The following NUP210L variants were observed in gnomAD, a reference collection of about 807,000 sequenced individuals.
The protein encoded by NUP210L is nucleoporin 210 like, also known as nuclear pore membrane glycoprotein 210-like.
Under a neutral mutation model 208.5 loss-of-function variants are expected in NUP210L, and 74 were observed. The observed-to-expected ratio is 0.35, with a 90% CI of 0.29 to 0.43. The LOEUF (loss-of-function observed/expected upper bound fraction) is 0.43, where lower values mean the gene tolerates loss of function less well. NUP210L is among the 20% of genes least tolerant of loss of function. The probability of loss-of-function intolerance (pLI) is 1.00; values close to 1 mark genes in which losing one functional copy is unlikely to be tolerated. For missense variants in NUP210L, 1,843 were observed against 2,289.4 expected, an observed-to-expected ratio of 0.81 and a Z score of 3.98; for synonymous variants, 780 against 816.9, an observed-to-expected ratio of 0.95 and a Z score of 0.77.
At chr1:154,012,323 C>A (rs758685370) in exon 34 of NUP210L, 1 of 1,613,772 alleles carries the variant, frequency 6.2e-7, no homozygotes, top group Non-Finnish European at 8.5e-7. Context: ...TGAGATAAGT[C>A]TTGAGGTCAT....
At chr1:154,125,031 G>A (rs1657817555) in intron 10 of NUP210L, among the ~76,000 whole-genome samples, 1 of 152,148 alleles carries the variant, frequency 6.6e-6, no homozygotes, top group Non-Finnish European at 1.5e-5. Flanking sequence ...ATGGCTGGGT[G>A]TAGTGGCTCA....
chr1:154,084,038 CTT>C (rs34861266), intron 16 of NUP210L, among the ~76,000 whole-genome samples: 6 of 103,606 alleles, frequency 5.8e-5, no homozygotes, highest in Non-Finnish European at 7.6e-5. Context: ...CTTTTCCTTT[CTT>C]TTTTTTTTTT....
At chr1:154,088,316 G>C (rs1422059008) in intron 16 of NUP210L, among the ~76,000 whole-genome samples, 1 of 151,032 alleles carries the variant, frequency 6.6e-6, no homozygotes, top group Non-Finnish European at 1.5e-5. Flanking sequence ...TGACTGCAGT[G>C]AGACCCTGTC....
rs1164907859 is a variant in NUP210L, at chr1:154,112,858, G to GTA, written c.1620+4866_1620+4867insTA. ...GCAACAGAATGAGACCCTGTCTGGG[G>GTA]AAAAAAAAAAAAAAAAGGCCAGGTG... On this transcript the variant is annotated intron_variant, in intron 12 of 39. Transcript: ENST00000368559. Among the ~76,000 whole-genome samples the GTA allele has an allele frequency of 2.4e-5, 3 of 127,246 alleles. 1 individual carries two copies. Among genetic ancestry groups the GTA allele is most frequent in the Non-Finnish European group, 5.1e-5 (3 of 59,006 alleles). The allele number at this position is 127,246 out of a possible 152,430, so 83.5% of individuals were successfully genotyped here.
chr1:154,084,790 A>T (rs868754359), intron 16 of NUP210L, among the ~76,000 whole-genome samples: 34 of 77,518 alleles, frequency 4.4e-4, no homozygotes, highest in African/African-American at 1.1e-3. Context: ...ATATTTCTTT[A>T]AAAAAAAAAA....
intron 10 of NUP210L, among the ~76,000 whole-genome samples, chr1:154,119,656 T>C (rs1657510410): frequency 6.6e-6 from 1 of 152,200 alleles, no homozygotes; most frequent in East Asian, 1.9e-4. Flanking sequence ...GGGCTGAATG[T>C]AGGACTTGAG....
At chr1:154,055,123 T>TTTTC (rs533438783) in intron 23 of NUP210L, among the ~76,000 whole-genome samples, 5,723 of 117,000 alleles carry the variant, frequency 0.049, 196 homozygotes, top group East Asian at 0.055. Context: ...TCTTTCTTTC[T>TTTTC]TTTCTTTCTT....
At chr1:154,071,085 G>T (rs1399277733) in intron 16 of NUP210L, among the ~76,000 whole-genome samples, 15 of 148,054 alleles carry the variant, frequency 1.0e-4, no homozygotes, top group South Asian at 2.1e-4. Context: ...TTTTTGTTTT[G>T]TTTTGTTTTT....
At chr1:154,085,908 A>T (rs1655599582) in intron 16 of NUP210L, among the ~76,000 whole-genome samples, 1 of 152,156 alleles carries the variant, frequency 6.6e-6, no homozygotes, top group African/African-American at 2.4e-5. Flanking sequence ...GTGGATACCA[A>T]CATGTAAAAA....
At chr1:154,004,761 C>T (rs1650411747) in intron 35 of NUP210L, among the ~76,000 whole-genome samples, 1 of 152,094 alleles carries the variant, frequency 6.6e-6, no homozygotes, top group Admixed American at 6.6e-5. Context: ...ATTCCCCCAC[C>T]TTGGCCTCCT....
rs1387439211 is a variant in NUP210L at position 153,995,073 on chromosome 1, T to C, written c.5491+3A>G. On this transcript the variant is annotated splice_donor_region_variant and intron_variant, in intron 38 of 39. Coordinates refer to ENST00000368559, the Ensembl canonical transcript of NUP210L. ...TCTATGTTATTGAATATAAGGACTC[T>C]ACCTAGGAAGATGGAAGCTGTTGAT... The C allele has an allele frequency of 2.5e-6, 4 of 1,574,094 alleles. No homozygotes were observed. Among genetic ancestry groups the C allele is most frequent in the African/African-American group, 2.7e-5 (2 of 73,574 alleles).
chr1:154,046,484 C>T (rs2147971930), intron 25 of NUP210L, 115 bp from the exon 26 acceptor site: 1 of 858,972 alleles, frequency 1.2e-6, no homozygotes, highest in Non-Finnish European at 1.9e-6. Context: ...AAAAACCTTG[C>T]CCATGCTTAT....
intron 22 of NUP210L, among the ~76,000 whole-genome samples, 180 bp from the exon 23 acceptor site, chr1:154,057,127 T>C (rs961969388): frequency 1.3e-5 from 2 of 152,062 alleles, no homozygotes; most frequent in African/African-American, 4.8e-5. Flanking sequence ...TACAGGCACA[T>C]ACCATCACTC....
At position 154,139,698 on chromosome 1, in the gene NUP210L, A is replaced by C. The variant is rs559877349; in HGVS notation, c.717+104T>G. 10 of 882,916 alleles carry C rather than the reference A, an allele frequency of 1.1e-5. No individual in the cohort carries two copies. In the Admixed American group the frequency reaches 1.2e-4, roughly 11 times the overall value. The allele number at this position is 882,916 out of a possible 1,614,324, so 54.7% of individuals were successfully genotyped here. ...AACAAACAAACAAACAAAAAAAAAAAAAAAACAGGGCGGGTAGTGCATTCT... is the reference window on the plus strand; with the variant it reads ...AACAAACAAACAAACAAAAAAAAAACAAAAACAGGGCGGGTAGTGCATTCT... On this transcript the variant is annotated intron_variant, in intron 5 of 39. Transcript: ENST00000368559.
intron 12 of NUP210L, among the ~76,000 whole-genome samples, chr1:154,116,125 C>T (rs1657313899): frequency 6.6e-6 from 1 of 151,814 alleles, no homozygotes. Context: ...CATGGTGGCA[C>T]ATGCCTGTAG....
intron 23 of NUP210L, among the ~76,000 whole-genome samples, chr1:154,055,709 T>C (rs2147989079): frequency 6.6e-6 from 1 of 152,300 alleles, no homozygotes; most frequent in South Asian, 2.1e-4. Flanking sequence ...CATGATCTTA[T>C]TCTAAGGAAA....
chr1:154,017,436 C>T (rs1223410852), intron 33 of NUP210L, among the ~76,000 whole-genome samples: 1 of 152,078 alleles, frequency 6.6e-6, no homozygotes, highest in Non-Finnish European at 1.5e-5. Flanking sequence ...CTCCCTCTTT[C>T]CTTGAAATAC....
chr1:154,056,184 T>G (rs996933048), intron 23 of NUP210L, among the ~76,000 whole-genome samples: 3 of 152,222 alleles, frequency 2.0e-5, no homozygotes, highest in Admixed American at 1.3e-4. Flanking sequence ...CAGGGTATCA[T>G]TCTGTCACCC....
intron 12 of NUP210L, among the ~76,000 whole-genome samples, chr1:154,107,552 T>C (rs1656832414): frequency 6.6e-6 from 1 of 151,446 alleles, no homozygotes; most frequent in South Asian, 2.1e-4. Flanking sequence ...ATCAGTGAGC[T>C]TGAGGACAGG....
Sources: gnomAD v4.1 joint callset for allele counts (sites outside exome capture counted in the v4.1 genomes callset) on GRCh38, gnomAD v4.1.1 for gene constraint, MANE v1.5 for transcripts, NCBI Gene and HGNC (gene_info 2026-07-23, HGNC 2026-07-21) for gene names.